The following ZMYM4 variants were observed in gnomAD, a reference collection of about 807,000 sequenced individuals.
ZMYM4 encodes zinc finger MYM-type protein 4.
A neutral mutation model predicts 183.2 loss-of-function variants in ZMYM4; 31 were observed. That is an observed-to-expected ratio of 0.17 (90% CI 0.13 to 0.23). The LOEUF is 0.23. Ranked by LOEUF, ZMYM4 falls within the 10% of genes least tolerant of loss-of-function variation. The probability of loss-of-function intolerance (pLI) is 1.00; values close to 1 mark genes in which losing one functional copy is unlikely to be tolerated. For synonymous variants in ZMYM4, 592 were observed against 631.2 expected, an observed-to-expected ratio of 0.94 and a Z score of 0.93; for missense variants, 1,273 against 1,840.3, an observed-to-expected ratio of 0.69 and a Z score of 5.64.
In ZMYM4 at chr1:35,419,759, A is replaced by AAC. The variant is rs1640263093; in HGVS notation, c.*83_*84insCA. ...ATCCAGCTGTTGGAAAATGATGTATAAGTCTAAGTCCTCTTGACTTGACCA... is the reference window on the plus strand; with the variant it reads ...ATCCAGCTGTTGGAAAATGATGTATAACAGTCTAAGTCCTCTTGACTTGACCA... On this transcript the variant is annotated 3_prime_UTR_variant, in exon 30 of 30. Transcript: ENST00000314607. 10 of 1,391,592 alleles carry AAC rather than the reference A, an allele frequency of 7.2e-6. No homozygotes were observed. The highest frequency in any genetic ancestry group is 1.9e-5 in the Admixed American group (1 of 52,936). The allele number at this position is 1,391,592 out of a possible 1,614,324, so 86.2% of individuals were successfully genotyped here. A position where few individuals can be genotyped will look rare whatever the true frequency, so the allele number is the denominator to read the frequency against.
At chr1:35,324,552 T>C (rs970927343) in intron 1 of ZMYM4, among the ~76,000 whole-genome samples, 6 of 152,220 alleles carry the variant, frequency 3.9e-5, no homozygotes, top group African/African-American at 1.4e-4. Flanking sequence ...CTGATTACTA[T>C]AGCTAGCTGT....
rs1640299625 is a variant in ZMYM4, at chr1:35,420,769, A to G, written c.*1092A>G. ...TCTGAATTATGATAGAAAAGGTCCTAGTTAGGTTCCTATATAAAGCATTTG... is the reference window on the plus strand; with the variant it reads ...TCTGAATTATGATAGAAAAGGTCCTGGTTAGGTTCCTATATAAAGCATTTG... On this transcript the variant is annotated 3_prime_UTR_variant, in exon 30 of 30. Transcript: ENST00000314607. 6.6e-6 allele frequency: 1 copy of G among 152,662 alleles called. No homozygotes were observed. The highest frequency in any genetic ancestry group is 6.5e-5 in the Admixed American group (1 of 15,274). The allele number at this position is 152,662 out of a possible 1,614,324, so 9.5% of individuals were successfully genotyped here.
At chr1:35,269,615 G>A (rs544036084) in intron 1 of ZMYM4, among the ~76,000 whole-genome samples, 5 of 152,274 alleles carry the variant, frequency 3.3e-5, no homozygotes, top group African/African-American at 9.6e-5. Flanking sequence ...GAAGAAGTGG[G>A]ATCGTTGGCA....
chr1:35,371,881 A>T (rs1340836453), intron 7 of ZMYM4, among the ~76,000 whole-genome samples: 1 of 152,216 alleles, frequency 6.6e-6, no homozygotes, highest in Non-Finnish European at 1.5e-5. Context: ...GGCAGCTTAA[A>T]TATATACTGT....
chr1:35,381,147 T>G, intron 7 of ZMYM4, 112 bp from the exon 8 acceptor site: 1 of 843,288 alleles, frequency 1.2e-6, no homozygotes, highest in East Asian at 2.7e-5. Context: ...TAAATTCCAG[T>G]GTTATTTCCC....
At chr1:35,305,063 G>C (rs1455480014) in intron 1 of ZMYM4, among the ~76,000 whole-genome samples, 1 of 151,946 alleles carries the variant, frequency 6.6e-6, no homozygotes, top group Non-Finnish European at 1.5e-5. Flanking sequence ...CCAGGATGGT[G>C]TTGATTTCCT....
chr1:35,269,079 A>C lies in ZMYM4; in HGVS notation c.33A>C (p.Arg11=). MAEREVESGP[R]KRFEQKSGAV... is the part of the protein sequence containing the mutation. ...AGAGAGAGGTGGAGTCCGGCCCCCG[A>C]AAGAGGGTAGGTGAGGTGAGGCAGA... Residue 11 remains arginine, a synonymous_variant, in exon 1 of 30, where the codon CGA becomes CGC. Coordinates refer to ENST00000314607, the MANE Select transcript of ZMYM4 (RefSeq NM_005095.3). 1.3e-6 allele frequency: 2 copies of C among 1,549,102 alleles called. No individual in the cohort carries two copies. The highest frequency in any genetic ancestry group is 1.7e-6 in the Non-Finnish European group (2 of 1,146,584).
intron 5 of ZMYM4, among the ~76,000 whole-genome samples, chr1:35,362,566 T>C (rs557888765): frequency 1.8e-4 from 28 of 152,390 alleles, no homozygotes; most frequent in Admixed American, 7.8e-4. Flanking sequence ...GTAAAGATGG[T>C]ATGAATTGGC....
rs1010676775 is a variant in ZMYM4 at position 35,421,356 on chromosome 1, T to G, written c.*1679T>G. On this transcript the variant is annotated 3_prime_UTR_variant, in exon 30 of 30. Coordinates refer to ENST00000314607, the MANE Select transcript of ZMYM4 (RefSeq NM_005095.3). ...ATTAATTCCATCTGTGTTTGTCATTTCTGACTGGAAAACTTCTTACTCCAT... is the reference window on the plus strand; with the variant it reads ...ATTAATTCCATCTGTGTTTGTCATTGCTGACTGGAAAACTTCTTACTCCAT... 1 of 152,766 alleles carries G rather than the reference T, an allele frequency of 6.5e-6. No individual in the cohort carries two copies. The highest frequency in any genetic ancestry group is 2.1e-4 in the South Asian group (1 of 4,834). 9.5% of individuals were successfully genotyped at this position (152,766 alleles called of 1,614,324 possible). A position where few individuals can be genotyped will look rare whatever the true frequency, so the allele number is the denominator to read the frequency against.
intron 1 of ZMYM4, among the ~76,000 whole-genome samples, chr1:35,276,244 G>T (rs1639865759): frequency 6.8e-6 from 1 of 147,792 alleles, no homozygotes; most frequent in African/African-American, 2.5e-5. Context: ...ACTCATTTCT[G>T]TCCCTCCCTC....
chr1:35,269,456 G>A (rs1038704755), intron 1 of ZMYM4, among the ~76,000 whole-genome samples: 1 of 151,278 alleles, frequency 6.6e-6, no homozygotes, highest in Non-Finnish European at 1.5e-5. Flanking sequence ...GGTGGGGGTG[G>A]TGGTGGCGGG....
intron 9 of ZMYM4, among the ~76,000 whole-genome samples, chr1:35,382,240 ATG>A (rs1258354836): frequency 6.6e-6 from 1 of 150,582 alleles, no homozygotes; most frequent in Non-Finnish European, 1.5e-5. Context: ...ATGTATGTAT[ATG>A]TATATATATG....
At chr1:35,417,313 A>G (rs1640158286) in intron 28 of ZMYM4, among the ~76,000 whole-genome samples, 1 of 152,048 alleles carries the variant, frequency 6.6e-6, no homozygotes, top group African/African-American at 2.4e-5. Flanking sequence ...TGAATGGAAA[A>G]AGTGGGAAAG....
intron 1 of ZMYM4, among the ~76,000 whole-genome samples, chr1:35,323,676 C>G (rs1642384991): frequency 6.6e-6 from 1 of 152,080 alleles, no homozygotes; most frequent in African/African-American, 2.4e-5. Context: ...CCTCAGCCTC[C>G]TGAGTAGCGG....
rs1256002871 is a variant in ZMYM4, at chr1:35,311,614, AG to A, written c.40-13745del. Among the ~76,000 whole-genome samples, 3 of 151,894 alleles carry A rather than the reference AG, an allele frequency of 2.0e-5. No homozygotes were observed. In the East Asian group the frequency reaches 5.8e-4, roughly 29 times the overall value. On this transcript the variant is annotated intron_variant, in intron 1 of 29. Coordinates refer to ENST00000314607, the MANE Select transcript of ZMYM4 (RefSeq NM_005095.3). ...AGGGAGACTGTGTCTCAAAAAAAAA[AG>A]TCACTTCAAGTGAGATCTAGACAAT...
At chr1:35,307,556 A>G (rs1641592506) in intron 1 of ZMYM4, among the ~76,000 whole-genome samples, 1 of 145,682 alleles carries the variant, frequency 6.9e-6, no homozygotes, top group African/African-American at 2.5e-5. Context: ...TTTTTTTGAG[A>G]CAGAGTCTTG....
At chr1:35,407,642 G>A (rs1007548451) in intron 25 of ZMYM4, among the ~76,000 whole-genome samples, 1 of 152,030 alleles carries the variant, frequency 6.6e-6, no homozygotes, top group African/African-American at 2.4e-5. Context: ...AAGCCTTTTT[G>A]TGTATCCTCA....
chr1:35,299,056 CAG>C (rs1172306541), intron 1 of ZMYM4, among the ~76,000 whole-genome samples: 14 of 133,194 alleles, frequency 1.1e-4, no homozygotes, highest in African/African-American at 3.8e-4. Context: ...TTTTAAGAAA[CAG>C]AGTCTTGCCA....
rs1251808818 is a variant in ZMYM4, at chr1:35,390,141, C to T, written c.2587+43C>T. On this transcript the variant is annotated intron_variant, in intron 15 of 29. Coordinates refer to ENST00000314607, the MANE Select transcript of ZMYM4 (RefSeq NM_005095.3). ...TACTGAATGGAGTCTTTGGTCAATA[C>T]TAGGAACTACTGTTCTTTTACAGAT... 3.2e-6 allele frequency: 5 copies of T among 1,578,382 alleles called. No homozygotes were observed. The East Asian group carries it at 9.0e-5, about 28-fold the overall frequency.
Sources: gnomAD v4.1 joint callset for allele counts (sites outside exome capture counted in the v4.1 genomes callset) on GRCh38, gnomAD v4.1.1 for gene constraint, MANE v1.5 for transcripts, NCBI Gene and HGNC (gene_info 2026-07-23, HGNC 2026-07-21) for gene names.